LMBRD1: variants seen among roughly 807,000 people sequenced by gnomAD.
LMBRD1 encodes LMBR1 domain containing 1.
LMBRD1 carries 64 observed loss-of-function variants against 74.8 expected under a neutral mutation model. The ratio of observed to expected loss-of-function variants is 0.86; its 90% CI spans 0.70 to 1.05. LMBRD1 has a LOEUF of 1.05. Ranked by LOEUF, LMBRD1 falls within the 50% of genes least tolerant of loss-of-function variation. The pLI is 0.00. For missense variants in LMBRD1, 652 were observed against 645.9 expected (o/e 1.01, Z -0.10); for synonymous variants, 204 against 216.3 (o/e 0.94, Z 0.50).
chr6:69,779,241 A>G (rs1021288636), intron 3 of LMBRD1, among the ~76,000 whole-genome samples: 6 of 152,046 alleles, frequency 3.9e-5, no homozygotes, highest in African/African-American at 1.2e-4. Context: ...ATCCATAGAA[A>G]CTTTTGTAGA....
chr6:69,674,366 T>C lies in LMBRD1; in HGVS notation c.*1792A>G, dbSNP rs957507671. 2.6e-5 allele frequency among the ~76,000 whole-genome samples: 4 copies of C among 152,090 alleles called. No individual in the cohort carries two copies. The highest frequency in any genetic ancestry group is 7.2e-5 in the African/African-American group (3 of 41,426). On this transcript the variant is annotated 3_prime_UTR_variant, in exon 16 of 16. Coordinates refer to ENST00000649934, the MANE Select transcript of LMBRD1 (RefSeq NM_018368.4). ...ACAATTCAGCCTATAACATAGAAAG[T>C]GGAGAAGAAGGGACAAATGGAAAGA...
rs770188607 is a variant in LMBRD1, at chr6:69,722,424, AGTCTT to A, written c.637-3348_637-3344del. Among the ~76,000 whole-genome samples, 49 of 152,006 alleles carry A rather than the reference AGTCTT, an allele frequency of 3.2e-4. 1 individual carries two copies. Among genetic ancestry groups the A allele is most frequent in the Admixed American group, 3.9e-4 (6 of 15,266 alleles). On this transcript the variant is annotated intron_variant, in intron 7 of 15. Transcript: ENST00000649934. ...AACACTACAATGGTGGTGTGTAACT[AGTCTT>A]GTCTTAAGTAGAAAACTAAATGATG...
intron 3 of LMBRD1, among the ~76,000 whole-genome samples, chr6:69,778,774 A>T (rs1765760728): frequency 1.3e-5 from 2 of 152,190 alleles, no homozygotes; most frequent in Admixed American, 1.3e-4. Flanking sequence ...TATTCATCAG[A>T]AATAATAAAT....
chr6:69,721,760 TC>T (rs1309395215), intron 7 of LMBRD1, among the ~76,000 whole-genome samples: 1 of 152,124 alleles, frequency 6.6e-6, no homozygotes, highest in African/African-American at 2.4e-5. Flanking sequence ...ACTCTTGAGG[TC>T]CCCAAGTCAA....
chr6:69,772,230 G>T (rs917865630), intron 3 of LMBRD1, among the ~76,000 whole-genome samples: 1 of 152,118 alleles, frequency 6.6e-6, no homozygotes, highest in Non-Finnish European at 1.5e-5. Context: ...GGAAGCAATG[G>T]TATAAAATCA....
chr6:69,780,433 G>A (rs958887793), intron 3 of LMBRD1, 61 bp downstream of exon 3: 125 of 1,213,412 alleles, frequency 1.0e-4, no homozygotes, highest in South Asian at 9.8e-4. Flanking sequence ...TCCACTCATC[G>A]GAGTCGTATC....
At chr6:69,697,784 G>T in intron 13 of LMBRD1, 143 bp from the exon 14 acceptor site, 1 of 578,650 alleles carries the variant, frequency 1.7e-6, no homozygotes, top group Non-Finnish European at 3.0e-6. Context: ...GTGCAACATT[G>T]CTCTTAGAAG....
intron 9 of LMBRD1, among the ~76,000 whole-genome samples, chr6:69,707,370 T>C (rs1212742776): frequency 6.6e-6 from 1 of 152,178 alleles, no homozygotes; most frequent in Non-Finnish European, 1.5e-5. Flanking sequence ...ATCTGTAAGG[T>C]TCCTTTGCCA....
At position 69,679,489 on chromosome 6, in the gene LMBRD1, T is replaced by C. The variant is rs79233184; in HGVS notation, c.1418-2948A>G. 5.3e-3 allele frequency among the ~76,000 whole-genome samples: 805 copies of C among 152,262 alleles called. 8 individuals are homozygous for C. Among genetic ancestry groups the C allele is most frequent in the Middle Eastern group, 0.017 (5 of 294 alleles). The stretch of plus-strand genomic sequence containing the variant: ...ATATACTGAGTATCCTAAAATACCA[T>C]TGGAGTACTCAAATCCATTCATATT... On this transcript the variant is annotated intron_variant, in intron 14 of 15. Coordinates refer to ENST00000649934, the MANE Select transcript of LMBRD1 (RefSeq NM_018368.4).
intron 14 of LMBRD1, among the ~76,000 whole-genome samples, chr6:69,686,274 A>G (rs1490462309): frequency 6.6e-6 from 1 of 152,186 alleles, no homozygotes; most frequent in Non-Finnish European, 1.5e-5. Flanking sequence ...ATACATAGCT[A>G]ACAGGTTAGC....
intron 9 of LMBRD1, 66 bp from the exon 10 acceptor site, chr6:69,702,019 T>C (rs1218318516): frequency 1.1e-6 from 1 of 896,448 alleles, no homozygotes; most frequent in Non-Finnish European, 1.8e-6. Flanking sequence ...ACAAAATCAT[T>C]ATATTCAATA....
intron 1 of LMBRD1, among the ~76,000 whole-genome samples, chr6:69,796,169 T>A (rs1022854161): frequency 6.6e-6 from 1 of 152,122 alleles, no homozygotes; most frequent in African/African-American, 2.4e-5. Context: ...GTCAGACAGG[T>A]AGTAGTATAT....
chr6:69,774,969 GGAAGGAAGGAAGGAAGGA>G (rs1765660194), intron 3 of LMBRD1, among the ~76,000 whole-genome samples: 1 of 43,314 alleles, frequency 2.3e-5, no homozygotes, highest in African/African-American at 1.0e-4. Context: ...AAGGAAGGAA[GGAAGGAAGGAAGGAAGGA>G]AGGGAGGGAG....
chr6:69,777,444 CAAA>C (rs71741122), intron 3 of LMBRD1, among the ~76,000 whole-genome samples: 5 of 104,118 alleles, frequency 4.8e-5, no homozygotes, highest in Middle Eastern at 4.5e-3. Context: ...GACTCTGTTG[CAAA>C]AAAAAAAAAA....
chr6:69,735,657 T>C (rs1167981366), intron 7 of LMBRD1, among the ~76,000 whole-genome samples: 1 of 152,218 alleles, frequency 6.6e-6, no homozygotes, highest in African/African-American at 2.4e-5. Context: ...CAAATAGTTT[T>C]AGTAACATCT....
intron 3 of LMBRD1, among the ~76,000 whole-genome samples, chr6:69,772,972 A>C (rs1765606535): frequency 6.6e-6 from 1 of 152,146 alleles, no homozygotes; most frequent in African/African-American, 2.4e-5. Flanking sequence ...CACACTCCTA[A>C]CCTTACGAAG....
In LMBRD1 at chr6:69,679,062, A is replaced by T. The variant is rs546025364; in HGVS notation, c.1418-2521T>A. Among the ~76,000 whole-genome samples, 7 of 130,170 alleles carry T rather than the reference A, an allele frequency of 5.4e-5. No homozygotes were observed. In the South Asian group the frequency reaches 1.9e-3, roughly 35 times the overall value. 85.4% of individuals were successfully genotyped at this position (130,170 alleles called of 152,430 possible). On this transcript the variant is annotated intron_variant, in intron 14 of 15. Transcript: ENST00000649934. ...TTAAAACAAAAAAAAAAAAACAAAA[A>T]CAAACAAACAAAAAAAATCACACAG... is the stretch of plus-strand genomic sequence containing the variant.
intron 14 of LMBRD1, among the ~76,000 whole-genome samples, chr6:69,690,265 A>AT (rs1384597262): frequency 1.3e-5 from 2 of 151,976 alleles, no homozygotes; most frequent in Non-Finnish European, 2.9e-5. Flanking sequence ...TCCAGTATAC[A>AT]TTTTTTCTCC....
chr6:69,700,682 T>A, intron 12 of LMBRD1, 83 bp downstream of exon 12: 1 of 953,362 alleles, frequency 1.0e-6, no homozygotes, highest in African/African-American at 1.7e-5. Flanking sequence ...ACAGCTACTA[T>A]ATTCTAAATC....
Sources: gnomAD v4.1 joint callset for allele counts (sites outside exome capture counted in the v4.1 genomes callset) on GRCh38, gnomAD v4.1.1 for gene constraint, MANE v1.5 for transcripts, NCBI Gene and HGNC (gene_info 2026-07-23, HGNC 2026-07-21) for gene names.